The following CIMAP3 variants were observed in gnomAD, a reference collection of about 807,000 sequenced individuals.
CIMAP3 encodes ciliary microtubule associated protein 3.
At chr1:111,346,896 C>T in the CIMAP3 span, 6 of 1,612,872 alleles carry the variant, frequency 3.7e-6, no homozygotes, top group Non-Finnish European at 5.1e-6. Context: ...TGGAGCCTCT[C>T]CTCTTTATTT....
chr1:111,337,617 C>A, the CIMAP3 span, among the ~76,000 whole-genome samples: 4 of 152,134 alleles, frequency 2.6e-5, no homozygotes, highest in Admixed American at 1.3e-4. Context: ...ACATAATGGT[C>A]AAGGGATCAA....
the CIMAP3 span, among the ~76,000 whole-genome samples, chr1:111,327,899 G>A: frequency 2.5e-4 from 38 of 151,998 alleles, no homozygotes; most frequent in South Asian, 7.5e-3. Context: ...AAGCTTTGGG[G>A]TTGATTTGTT....
At chr1:111,349,992 A>G in the CIMAP3 span, 2 of 713,412 alleles carry the variant, frequency 2.8e-6, no homozygotes, top group African/African-American at 3.5e-5. Context: ...AAGCTAATCA[A>G]TCTGTTGCCT....
the CIMAP3 span, among the ~76,000 whole-genome samples, chr1:111,330,390 C>A: frequency 3.3e-5 from 5 of 152,128 alleles, no homozygotes. Context: ...CAGGCTGAGG[C>A]TTTGTGTGGG....
the CIMAP3 span, chr1:111,346,960 C>G: frequency 1.2e-6 from 2 of 1,613,828 alleles, no homozygotes; most frequent in African/African-American, 1.3e-5. Context: ...GAAACTTTTT[C>G]CTCACTTCCA....
chr1:111,336,428 G>T, the CIMAP3 span, among the ~76,000 whole-genome samples: 1 of 152,136 alleles, frequency 6.6e-6, no homozygotes, highest in East Asian at 1.9e-4. Flanking sequence ...CAAACCAAAG[G>T]CAAAGAAGTT....
At chr1:111,346,556 C>T in the CIMAP3 span, 1 of 1,592,332 alleles carries the variant, frequency 6.3e-7, no homozygotes, top group Non-Finnish European at 8.6e-7. Flanking sequence ...GCGCTCGGGC[C>T]CTCTCCCCCT....
At chr1:111,346,970 A>G in the CIMAP3 span, 3 of 1,613,940 alleles carry the variant, frequency 1.9e-6, no homozygotes, top group Admixed American at 1.7e-5. Context: ...CCTCACTTCC[A>G]TCCCCCGAAT....
chr1:111,337,367 T>A, the CIMAP3 span, among the ~76,000 whole-genome samples: 1,137 of 152,162 alleles, frequency 7.5e-3, 13 homozygotes, highest in African/African-American at 0.026. Flanking sequence ...TAAATGTAAA[T>A]GGACTAAATG....
At chr1:111,335,997 A>T in the CIMAP3 span, among the ~76,000 whole-genome samples, 1 of 152,240 alleles carries the variant, frequency 6.6e-6, no homozygotes, top group Non-Finnish European at 1.5e-5. Context: ...CTCCTCTGAG[A>T]CAAAACTTCC....
At chr1:111,338,249 C>T in the CIMAP3 span, among the ~76,000 whole-genome samples, 214 of 151,762 alleles carry the variant, frequency 1.4e-3, 2 homozygotes, top group African/African-American at 4.1e-3. Flanking sequence ...AAGAAGGAAA[C>T]ATCCAAAATT....
At chr1:111,346,051 G>A in the CIMAP3 span, among the ~76,000 whole-genome samples, 2 of 152,106 alleles carry the variant, frequency 1.3e-5, no homozygotes, top group Non-Finnish European at 2.9e-5. Context: ...CTGATTCCGT[G>A]GCATTCTACC....
chr1:111,335,837 G>T, the CIMAP3 span, among the ~76,000 whole-genome samples: 4 of 152,248 alleles, frequency 2.6e-5, no homozygotes, highest in African/African-American at 2.4e-5. Flanking sequence ...TGACAGCTTT[G>T]AAGAGAGCAG....
At chr1:111,346,120 C>A in the CIMAP3 span, among the ~76,000 whole-genome samples, 195 of 152,308 alleles carry the variant, frequency 1.3e-3, 1 homozygote, top group Middle Eastern at 6.8e-3. Context: ...CACGGCCCCC[C>A]GGGATAGAAT....
chr1:111,350,576 A>G, the CIMAP3 span, among the ~76,000 whole-genome samples: 1 of 152,208 alleles, frequency 6.6e-6, no homozygotes, highest in East Asian at 1.9e-4. Context: ...GACTCCTAAT[A>G]CATTGCTCTT....
At chr1:111,340,187 A>C in the CIMAP3 span, among the ~76,000 whole-genome samples, 31 of 151,306 alleles carry the variant, frequency 2.0e-4, no homozygotes, top group African/African-American at 6.6e-4. Context: ...CTTCCTTACA[A>C]CTTATACAAA....
the CIMAP3 span, among the ~76,000 whole-genome samples, chr1:111,336,192 C>T: frequency 6.6e-6 from 1 of 152,112 alleles, no homozygotes; most frequent in Admixed American, 6.6e-5. Context: ...ACACCAAAAA[C>T]CCATCTGCAC....
the CIMAP3 span, chr1:111,351,296 G>C: frequency 1.2e-4 from 194 of 1,590,352 alleles, no homozygotes; most frequent in Non-Finnish European, 1.6e-4. Context: ...CATCGGAACC[G>C]TGTGGCCTAC....
chr1:111,347,624 T>C, the CIMAP3 span: 25,642 of 803,976 alleles, frequency 0.032, 535 homozygotes, highest in African/African-American at 0.12. Context: ...TTTTCTTTCT[T>C]TTTTTTTTTT....
Sources: allele counts gnomAD v4.1 joint callset (sites outside exome capture counted in the v4.1 genomes callset), GRCh38; gene constraint gnomAD v4.1.1; transcripts MANE v1.5; gene names NCBI Gene and HGNC (gene_info 2026-07-23, HGNC 2026-07-21).